CLEC16A: variants seen among roughly 807,000 people sequenced by gnomAD.
CLEC16A encodes protein CLEC16A.
Under a neutral mutation model 109.5 loss-of-function variants are expected in CLEC16A, and 51 were observed. The ratio of observed to expected loss-of-function variants is 0.47; its 90% CI spans 0.37 to 0.59. The LOEUF (loss-of-function observed/expected upper bound fraction) is 0.59. Among genes scored for constraint, CLEC16A ranks in the 20% least tolerant of loss-of-function variants. The pLI is 0.00. For synonymous variants in CLEC16A, 673 were observed against 564.2 expected, an observed-to-expected ratio of 1.19 and a Z score of -2.73; for missense variants, 1,339 against 1,394.0, an observed-to-expected ratio of 0.96 and a Z score of 0.63.
intron 19 of CLEC16A, among the ~76,000 whole-genome samples, chr16:11,091,527 G>A (rs1401304823): frequency 6.6e-6 from 1 of 152,172 alleles, no homozygotes; most frequent in Non-Finnish European, 1.5e-5. Context: ...TGTCCTGAGG[G>A]GCTGGCACTG....
At chr16:11,070,556 C>G (rs1238271753) in intron 19 of CLEC16A, 1 of 152,222 alleles carries the variant, frequency 6.6e-6, no homozygotes, top group Admixed American at 6.5e-5. Flanking sequence ...TGCCCAGTCA[C>G]TTGCTTCTGT....
intron 8 of CLEC16A, among the ~76,000 whole-genome samples, chr16:10,979,019 G>A (rs9940674): frequency 0.071 from 10,814 of 152,010 alleles, 1,360 homozygotes; most frequent in African/African-American, 0.25. Context: ...GGGGCGTCCA[G>A]TGCCCCAGCT....
intron 19 of CLEC16A, among the ~76,000 whole-genome samples, chr16:11,087,677 A>T (rs1193570434): frequency 6.6e-6 from 1 of 152,222 alleles, no homozygotes; most frequent in African/African-American, 2.4e-5. Flanking sequence ...AGGAGGGTGG[A>T]GAATCAGATA....
intron 2 of CLEC16A, among the ~76,000 whole-genome samples, chr16:10,959,421 T>TCA (rs2042148324): frequency 1.3e-5 from 2 of 152,244 alleles, no homozygotes; most frequent in Admixed American, 6.5e-5. Context: ...AGATGGAGTC[T>TCA]TGCTCTGTCA....
intron 13 of CLEC16A, among the ~76,000 whole-genome samples, chr16:11,034,003 C>T (rs1438680975): frequency 1.3e-5 from 2 of 152,168 alleles, no homozygotes; most frequent in Non-Finnish European, 2.9e-5. Flanking sequence ...ACCTTCTACT[C>T]CTGCCACTCC....
chr16:11,023,817 G>A (rs1041977770), intron 12 of CLEC16A, among the ~76,000 whole-genome samples: 8 of 152,144 alleles, frequency 5.3e-5, no homozygotes, highest in Admixed American at 2.0e-4. Flanking sequence ...TCATGAAGGT[G>A]CTCTGTTCTC....
intron 9 of CLEC16A, among the ~76,000 whole-genome samples, chr16:10,979,602 G>T (rs1368846253): frequency 6.6e-6 from 1 of 152,154 alleles, no homozygotes; most frequent in Admixed American, 6.5e-5. Context: ...AAAGAGAAAT[G>T]AAAAATAAAC....
At chr16:10,976,279 TAATA>T (rs978371750) in intron 7 of CLEC16A, among the ~76,000 whole-genome samples, 11 of 150,326 alleles carry the variant, frequency 7.3e-5, no homozygotes, top group African/African-American at 2.4e-4. Context: ...CAAAAAATAA[TAATA>T]AATAAATAAA....
chr16:11,003,970 C>CAAA (rs962482634), intron 11 of CLEC16A, among the ~76,000 whole-genome samples: 4 of 57,942 alleles, frequency 6.9e-5, no homozygotes, highest in Admixed American at 3.3e-4. Flanking sequence ...CCTGTCTCTA[C>CAAA]AAAAAAAAAA....
intron 2 of CLEC16A, among the ~76,000 whole-genome samples, chr16:10,960,618 G>C (rs2146037414): frequency 6.6e-6 from 1 of 152,264 alleles, no homozygotes; most frequent in African/African-American, 2.4e-5. Context: ...CTTTAGAAGA[G>C]AGTCACCAAG....
chr16:11,148,001 G>A (rs2054139021), intron 22 of CLEC16A, among the ~76,000 whole-genome samples: 1 of 152,126 alleles, frequency 6.6e-6, no homozygotes, highest in Non-Finnish European at 1.5e-5. Flanking sequence ...TGTTCTTACT[G>A]GTAAAATAGC....
chr16:10,984,036 T>C (rs909113595), intron 10 of CLEC16A, among the ~76,000 whole-genome samples: 1 of 152,020 alleles, frequency 6.6e-6, no homozygotes, highest in Non-Finnish European at 1.5e-5. Flanking sequence ...TAGTGCGTTT[T>C]ATACAAGGGC....
rs1210282504 is a variant in CLEC16A at position 10,957,813 on chromosome 16, A to G, written c.112A>G (p.Thr38Ala). 8.7e-6 allele frequency: 14 copies of G among 1,613,714 alleles called. No individual in the cohort carries two copies. The highest frequency in any genetic ancestry group is 1.1e-5 in the Non-Finnish European group (13 of 1,179,732). The stretch of plus-strand genomic sequence containing the variant: ...GTACCACGTTTTGACCAAAAACACC[A>G]CAGTCACAGAACAGAACCGGAACCT... ...YLYHVLTKNT[T>A]VTEQNRNLLV... The change falls in exon 2 of 24, where the codon ACA becomes GCA. Residue 38 changes from threonine to alanine, a missense_variant. Transcript: ENST00000409790.
intron 22 of CLEC16A, among the ~76,000 whole-genome samples, chr16:11,129,747 G>T (rs1180392567): frequency 6.7e-6 from 1 of 149,280 alleles, no homozygotes; most frequent in East Asian, 1.9e-4. Flanking sequence ...TCCCGCCACT[G>T]CATTGGCCTG....
At chr16:11,027,294 G>A (rs760403511) in intron 13 of CLEC16A, 170 of 1,536,896 alleles carry the variant, frequency 1.1e-4, no homozygotes, top group Admixed American at 3.7e-4. Context: ...GGCCTTTGTT[G>A]TACGCATCGA....
intron 19 of CLEC16A, among the ~76,000 whole-genome samples, chr16:11,105,150 C>T (rs1219515542): frequency 1.3e-5 from 2 of 152,158 alleles, no homozygotes; most frequent in Non-Finnish European, 2.9e-5. Context: ...ATGTACTATG[C>T]AAATGTGGCA....
intron 10 of CLEC16A, among the ~76,000 whole-genome samples, chr16:10,998,435 A>T (rs889958348): frequency 8.5e-5 from 13 of 152,198 alleles, no homozygotes; most frequent in African/African-American, 3.1e-4. Context: ...GGTGAAACCT[A>T]AACCTGTGGC....
chr16:10,961,472 T>G lies in CLEC16A; in HGVS notation c.210-983T>G, dbSNP rs1474902557. 6.6e-6 allele frequency among the ~76,000 whole-genome samples: 1 copy of G among 152,190 alleles called. No individual in the cohort carries two copies. Among genetic ancestry groups the G allele is most frequent in the Non-Finnish European group, 1.5e-5 (1 of 68,030 alleles). On this transcript the variant is annotated intron_variant, in intron 2 of 23. Coordinates refer to ENST00000409790, the MANE Select transcript of CLEC16A (RefSeq NM_015226.3). This position sits in a 1 kb window ranked among gnomAD's most constrained non-coding sequence, Gnocchi z 4.3. ...TCCCAGATGCAAGATTATCTGGTGTTAGCTTGAGTACAGAGAACACATAAC... is the reference window on the plus strand; with the variant it reads ...TCCCAGATGCAAGATTATCTGGTGTGAGCTTGAGTACAGAGAACACATAAC...
At chr16:11,077,748 C>T (rs1375776053) in intron 19 of CLEC16A, among the ~76,000 whole-genome samples, 2 of 152,174 alleles carry the variant, frequency 1.3e-5, no homozygotes, top group Non-Finnish European at 2.9e-5. Context: ...CAGCACAATG[C>T]GTGGTGCTGC....
Sources: gnomAD v4.1 joint callset for allele counts (sites outside exome capture counted in the v4.1 genomes callset) on GRCh38, gnomAD v4.1.1 for gene constraint, Gnocchi (gnomAD v3.1) non-coding constraint, MANE v1.5 for transcripts, NCBI Gene and HGNC (gene_info 2026-07-23, HGNC 2026-07-21) for gene names.